Variants in AFTPH observed in about 807,000 individuals in gnomAD.
The protein encoded by AFTPH is aftiphilin protein.
In AFTPH, 7 loss-of-function variants were observed where a neutral mutation model predicts 72.5. The observed-to-expected ratio is 0.10, with a 90% CI of 0.05 to 0.18. The LOEUF (loss-of-function observed/expected upper bound fraction) is 0.18. AFTPH is among the 10% of genes least tolerant of loss of function. The pLI is 1.00. For missense variants in AFTPH, 979 were observed against 1,060.5 expected (o/e 0.92, Z 1.07); for synonymous variants, 337 against 370.1 (o/e 0.91, Z 1.03).
At chr2:64,591,631 G>T (rs964453554) in intron 8 of AFTPH, among the ~76,000 whole-genome samples, 1 of 152,192 alleles carries the variant, frequency 6.6e-6, no homozygotes, top group Non-Finnish European at 1.5e-5. Flanking sequence ...AGCTGTCTAG[G>T]TGTGCATGTG....
intron 1 of AFTPH, among the ~76,000 whole-genome samples, chr2:64,547,978 G>T (rs1347840725): frequency 1.3e-5 from 2 of 151,818 alleles, no homozygotes; most frequent in Non-Finnish European, 2.9e-5. Flanking sequence ...TAAAGACAGG[G>T]TTACATCATG....
chr2:64,570,656 T>G (rs1320276242), intron 5 of AFTPH, among the ~76,000 whole-genome samples: 1 of 152,216 alleles, frequency 6.6e-6, no homozygotes, highest in Admixed American at 6.5e-5. Flanking sequence ...TTTTGGTTAT[T>G]TGGATTTCTC....
At chr2:64,527,857 G>A (rs1030732564) in intron 1 of AFTPH, among the ~76,000 whole-genome samples, 3 of 152,176 alleles carry the variant, frequency 2.0e-5, no homozygotes, top group Non-Finnish European at 4.4e-5. Context: ...CACACTCCTA[G>A]TGTCTATTTC....
At chr2:64,585,506 G>C in exon 8 of AFTPH, 1 of 1,613,560 alleles carries the variant, frequency 6.2e-7, no homozygotes, top group Non-Finnish European at 8.5e-7. Context: ...GCATTTGCAA[G>C]ACTCATGTCT....
At position 64,569,689 on chromosome 2, in the gene AFTPH, A is replaced by G. The variant is rs1192537915; in HGVS notation, c.2271+10A>G. ...GTATGCAGCAGGATTGGTAAGTACA[A>G]AAATCTCTCTGCATGTATTTATCAT... On this transcript the variant is annotated intron_variant, in intron 5 of 8. Transcript: ENST00000238856. The G allele has an allele frequency of 6.2e-7, 1 of 1,612,622 alleles. No individual in the cohort carries two copies. Among genetic ancestry groups the G allele is most frequent in the African/African-American group, 1.3e-5 (1 of 75,032 alleles).
intron 2 of AFTPH, among the ~76,000 whole-genome samples, chr2:64,562,409 A>G (rs1390968342): frequency 2.6e-5 from 4 of 151,854 alleles, no homozygotes; most frequent in African/African-American, 9.7e-5. Flanking sequence ...CTGGAAATTC[A>G]AGAAAAAGAC....
At chr2:64,533,133 C>T (rs971337354) in intron 1 of AFTPH, among the ~76,000 whole-genome samples, 2 of 152,204 alleles carry the variant, frequency 1.3e-5, no homozygotes, top group South Asian at 4.1e-4. Flanking sequence ...TGTGGTGGCT[C>T]ATGCCTGTAA....
chr2:64,548,407 GAAAAAAAAAAAAAA>G (rs57995634), intron 1 of AFTPH, among the ~76,000 whole-genome samples: 9 of 59,994 alleles, frequency 1.5e-4, no homozygotes, highest in South Asian at 6.4e-4. Flanking sequence ...CTCAAAAAAA[GAAAAAAAAAAAAAA>G]AAAAAAAAAA....
At chr2:64,560,684 C>T (rs1382990498) in intron 2 of AFTPH, among the ~76,000 whole-genome samples, 1 of 152,046 alleles carries the variant, frequency 6.6e-6, no homozygotes, top group African/African-American at 2.4e-5. Flanking sequence ...ACCAGCCTGG[C>T]CAACATGGTG....
At position 64,575,703 on chromosome 2, in the gene AFTPH, ATG is replaced by A. The variant is rs149890368; in HGVS notation, c.2394+2673_2394+2674del. Reference sequence around the variant, plus strand: ...TTTATATATATATGTATGTGTGTATATGTGTGTGTGTGTGTGTGTGTGTGTGT... The same window carrying A: ...TTTATATATATATGTATGTGTGTATATGTGTGTGTGTGTGTGTGTGTGTGT... On this transcript the variant is annotated intron_variant, in intron 6 of 8. Coordinates refer to ENST00000238856, the Ensembl canonical transcript of AFTPH. Among the ~76,000 whole-genome samples, 437 of 145,796 alleles carry A rather than the reference ATG, an allele frequency of 3.0e-3. 5 individuals are homozygous for A. Among genetic ancestry groups the A allele is most frequent in the South Asian group, 0.011 (49 of 4,542 alleles).
At chr2:64,550,683 A>G (rs879663956) in intron 1 of AFTPH, among the ~76,000 whole-genome samples, 461 of 42,814 alleles carry the variant, frequency 0.011, 2 homozygotes, top group East Asian at 0.061. Flanking sequence ...GCATGCACAC[A>G]CACACACACA....
intron 8 of AFTPH, 150 bp from the exon 10 acceptor site, chr2:64,591,738 A>G: frequency 1.3e-6 from 1 of 790,112 alleles, no homozygotes; most frequent in East Asian, 2.7e-5. Context: ...CATACTGCAC[A>G]AAAGTATTAC....
At position 64,564,468 on chromosome 2, in the gene AFTPH, G is replaced by A. The variant is rs1267226813; in HGVS notation, c.1936-3094G>A. On this transcript the variant is annotated intron_variant, in intron 2 of 8. Transcript: ENST00000238856. Reference sequence around the variant, plus strand: ...CTCCAGATTATAAATGCAGAAACTGGGCAGAAATGGTGGTAGACGCCTATA... The same window carrying A: ...CTCCAGATTATAAATGCAGAAACTGAGCAGAAATGGTGGTAGACGCCTATA... 2.0e-5 allele frequency among the ~76,000 whole-genome samples: 3 copies of A among 151,970 alleles called. No individual in the cohort carries two copies. The East Asian group carries it at 5.8e-4, about 29-fold the overall frequency.
chr2:64,529,540 G>A (rs1056359669), intron 1 of AFTPH, among the ~76,000 whole-genome samples: 1 of 151,942 alleles, frequency 6.6e-6, no homozygotes, highest in African/African-American at 2.4e-5. Flanking sequence ...AGTAAATAGT[G>A]GGTGTATACA....
At chr2:64,554,876 C>G (rs975565503) in intron 2 of AFTPH, among the ~76,000 whole-genome samples, 1 of 152,152 alleles carries the variant, frequency 6.6e-6, no homozygotes, top group African/African-American at 2.4e-5. Flanking sequence ...AATTTGTAGC[C>G]TTAGAACTTT....
intron 2 of AFTPH, among the ~76,000 whole-genome samples, chr2:64,554,333 T>TC (rs1392806853): frequency 6.6e-6 from 1 of 152,194 alleles, no homozygotes; most frequent in Non-Finnish European, 1.5e-5. Flanking sequence ...TTACCTTTTT[T>TC]CAACTCCAGG....
exon 2 of AFTPH, chr2:64,553,219 G>A (rs1671155337): frequency 6.2e-7 from 1 of 1,614,138 alleles, no homozygotes; most frequent in Non-Finnish European, 8.5e-7. Context: ...CAAAAAGATA[G>A]TTGTTCTTGG....
At chr2:64,583,156 A>G (rs1673310848) in intron 7 of AFTPH, among the ~76,000 whole-genome samples, 1 of 152,080 alleles carries the variant, frequency 6.6e-6, no homozygotes, top group Non-Finnish European at 1.5e-5. Context: ...ATTCCATTTC[A>G]TCACTTGCTT....
intron 2 of AFTPH, among the ~76,000 whole-genome samples, chr2:64,561,761 G>T (rs898888405): frequency 6.6e-6 from 1 of 152,298 alleles, no homozygotes; most frequent in East Asian, 1.9e-4. Context: ...TAAATATTTA[G>T]TATGCTAAGT....
Sources: gnomAD v4.1 joint callset for allele counts (sites outside exome capture counted in the v4.1 genomes callset) on GRCh38, gnomAD v4.1.1 for gene constraint, MANE v1.5 for transcripts, NCBI Gene and HGNC (gene_info 2026-07-23, HGNC 2026-07-21) for gene names.